The following IMMP2L variants were observed in gnomAD, a reference collection of about 807,000 sequenced individuals.
IMMP2L encodes the protein inner mitochondrial membrane peptidase subunit 2, also known as mitochondrial inner membrane protease subunit 2.
IMMP2L carries 18 observed loss-of-function variants against 19.3 expected under a neutral mutation model. That is an observed-to-expected ratio of 0.93 (90% CI 0.64 to 1.38). IMMP2L has a LOEUF of 1.38. IMMP2L is among the 40% of genes most tolerant of loss of function. The probability of loss-of-function intolerance (pLI) is 0.00; values close to 1 mark genes in which losing one functional copy is unlikely to be tolerated. For missense variants in IMMP2L, 233 were observed against 218.2 expected, an observed-to-expected ratio of 1.07 and a Z score of -0.43; for synonymous variants, 76 against 73.0, an observed-to-expected ratio of 1.04 and a Z score of -0.21.
chr7:111,068,745 A>G (rs1239003638), intron 3 of IMMP2L, among the ~76,000 whole-genome samples: 1 of 152,208 alleles, frequency 6.6e-6, no homozygotes, highest in Non-Finnish European at 1.5e-5. Context: ...TAAAATGTAA[A>G]TACAGAAAAT....
At chr7:111,150,697 G>T (rs1803977202) in intron 3 of IMMP2L, among the ~76,000 whole-genome samples, 2 of 152,212 alleles carry the variant, frequency 1.3e-5, no homozygotes, top group African/African-American at 2.4e-5. Context: ...ATATAAATAT[G>T]TAAGTGTGTC....
intron 3 of IMMP2L, chr7:111,392,155 A>G (rs569895738): frequency 1.7e-6 from 1 of 604,016 alleles, no homozygotes. Context: ...TTTAGCCCCA[A>G]AGTCACATGG....
chr7:111,372,302 T>G (rs774034783), intron 3 of IMMP2L, among the ~76,000 whole-genome samples: 2 of 151,728 alleles, frequency 1.3e-5, no homozygotes, highest in Admixed American at 1.3e-4. Flanking sequence ...TTGAAAAAAA[T>G]ACAAAACACA....
At chr7:111,219,403 C>G (rs1206801897) in intron 3 of IMMP2L, among the ~76,000 whole-genome samples, 1 of 151,714 alleles carries the variant, frequency 6.6e-6, no homozygotes, top group Non-Finnish European at 1.5e-5. Flanking sequence ...GGCCTAGGAC[C>G]CTAAATTTTA....
At chr7:111,401,099 T>G (rs370629837) in intron 3 of IMMP2L, among the ~76,000 whole-genome samples, 1 of 152,136 alleles carries the variant, frequency 6.6e-6, no homozygotes, top group Non-Finnish European at 1.5e-5. Flanking sequence ...TTTTAAGAAT[T>G]TGAGAGCATG....
chr7:111,060,600 A>T (rs2129574408), intron 3 of IMMP2L, among the ~76,000 whole-genome samples: 1 of 152,336 alleles, frequency 6.6e-6, no homozygotes, highest in East Asian at 1.9e-4. Flanking sequence ...GGGGCAAGTT[A>T]TCTCAGCTTT....
intron 5 of IMMP2L, among the ~76,000 whole-genome samples, chr7:110,843,456 A>G (rs1805313198): frequency 6.6e-6 from 1 of 152,154 alleles, no homozygotes; most frequent in Non-Finnish European, 1.5e-5. Flanking sequence ...CATTGGAGTT[A>G]AAAATAAAGG....
intron 3 of IMMP2L, among the ~76,000 whole-genome samples, chr7:111,222,601 G>A (rs1319044201): frequency 6.6e-6 from 1 of 151,860 alleles, no homozygotes; most frequent in Non-Finnish European, 1.5e-5. Flanking sequence ...AGGGAGATGT[G>A]CAATAAAACT....
chr7:111,258,299 T>A (rs1352248016), intron 3 of IMMP2L, among the ~76,000 whole-genome samples: 1 of 152,066 alleles, frequency 6.6e-6, no homozygotes, highest in African/African-American at 2.4e-5. Flanking sequence ...GAGTACAATG[T>A]ACATACTTGA....
intron 3 of IMMP2L, among the ~76,000 whole-genome samples, chr7:111,397,066 C>G (rs895949788): frequency 2.6e-5 from 4 of 151,094 alleles, no homozygotes; most frequent in African/African-American, 9.7e-5. Context: ...CCAGCCTGGG[C>G]AACAGAGCGA....
At chr7:111,415,907 G>GA (rs1220648636) in intron 3 of IMMP2L, among the ~76,000 whole-genome samples, 2 of 151,242 alleles carry the variant, frequency 1.3e-5, no homozygotes, top group Non-Finnish European at 2.9e-5. Flanking sequence ...CAAAAAAACA[G>GA]AAAAAAAATT....
chr7:110,744,708 A>G (rs1230960741), intron 5 of IMMP2L, among the ~76,000 whole-genome samples: 7 of 152,216 alleles, frequency 4.6e-5, no homozygotes, highest in Admixed American at 4.6e-4. Flanking sequence ...TATCAACATC[A>G]ACAAAAAGGA....
At chr7:110,848,351 CAAT>C (rs1284803889) in intron 5 of IMMP2L, among the ~76,000 whole-genome samples, 2 of 152,058 alleles carry the variant, frequency 1.3e-5, no homozygotes, top group African/African-American at 2.4e-5. Context: ...ATTAAAACAA[CAAT>C]GAGATACCAC....
chr7:111,377,413 C>G (rs1288528483), intron 3 of IMMP2L, among the ~76,000 whole-genome samples: 2 of 151,772 alleles, frequency 1.3e-5, no homozygotes, highest in African/African-American at 2.4e-5. Context: ...CTCTATAGTA[C>G]AGCTCTATAG....
At chr7:110,883,566 A>G (rs1809909431) in intron 5 of IMMP2L, among the ~76,000 whole-genome samples, 1 of 152,156 alleles carries the variant, frequency 6.6e-6, no homozygotes, top group African/African-American at 2.4e-5. Flanking sequence ...TTATTCAGTT[A>G]TGTTTCATAT....
chr7:110,955,672 A>G (rs1246609515), intron 4 of IMMP2L, among the ~76,000 whole-genome samples: 1 of 151,998 alleles, frequency 6.6e-6, no homozygotes, highest in Admixed American at 6.6e-5. Flanking sequence ...TGTCCTCAAA[A>G]GAACCACCTA....
intron 3 of IMMP2L, among the ~76,000 whole-genome samples, chr7:111,107,905 G>T (rs1298656377): frequency 6.6e-6 from 1 of 152,144 alleles, no homozygotes; most frequent in Non-Finnish European, 1.5e-5. Context: ...AGTTTCATGT[G>T]TGCTGCATAG....
At chr7:111,250,918 C>G (rs908944036) in intron 3 of IMMP2L, among the ~76,000 whole-genome samples, 1 of 152,134 alleles carries the variant, frequency 6.6e-6, no homozygotes, top group Non-Finnish European at 1.5e-5. Context: ...ATCTAATCAT[C>G]TACAGAACTT....
chr7:110,667,247 T>A (rs1791528343), intron 5 of IMMP2L, among the ~76,000 whole-genome samples: 2 of 152,242 alleles, frequency 1.3e-5, no homozygotes. Flanking sequence ...TGTTTCTATT[T>A]ATACTCAATT....
Sources: allele counts gnomAD v4.1 joint callset (sites outside exome capture counted in the v4.1 genomes callset), GRCh38; gene constraint gnomAD v4.1.1; transcripts MANE v1.5; gene names NCBI Gene and HGNC (gene_info 2026-07-23, HGNC 2026-07-21).